The following CCDC148 variants were observed in gnomAD, a reference collection of about 807,000 sequenced individuals.
The protein encoded by CCDC148 is coiled-coil domain-containing protein 148.
CCDC148 carries 89 observed loss-of-function variants against 85.7 expected under a neutral mutation model. The ratio of observed to expected loss-of-function variants is 1.04; its 90% CI spans 0.87 to 1.24. CCDC148 has a LOEUF of 1.24. Among genes scored for constraint, CCDC148 ranks in the 50% most tolerant of loss-of-function variants. The pLI is 0.00. For missense variants in CCDC148, 692 were observed against 671.7 expected (o/e 1.03, Z -0.33); for synonymous variants, 230 against 213.9 (o/e 1.08, Z -0.66).
rs763601196 is a variant in CCDC148 at position 158,172,062 on chromosome 2, A to G, written c.*51T>C. ...AAGTAGTAATTATTATTATCCATAT[A>G]CATGTTTTCAAAGAAAAATGCTCTT... On this transcript the variant is annotated 3_prime_UTR_variant, in exon 14 of 14. Coordinates refer to ENST00000283233, the MANE Select transcript of CCDC148 (RefSeq NM_138803.4). 10 of 1,278,772 alleles carry G rather than the reference A, an allele frequency of 7.8e-6. No homozygotes were observed. The highest frequency in any genetic ancestry group is 4.6e-4 in the Middle Eastern group (2 of 4,388). The allele number at this position is 1,278,772 out of a possible 1,614,324, so 79.2% of individuals were successfully genotyped here. A position where few individuals can be genotyped will look rare whatever the true frequency, so the allele number is the denominator to read the frequency against.
chr2:158,212,181 T>A (rs1686616288), intron 11 of CCDC148, among the ~76,000 whole-genome samples: 1 of 152,248 alleles, frequency 6.6e-6, no homozygotes, highest in African/African-American at 2.4e-5. Context: ...ATCTTTGGAC[T>A]ATATCATTTG....
intron 1 of CCDC148, among the ~76,000 whole-genome samples, chr2:158,410,019 C>G (rs185911536): frequency 4.1e-4 from 63 of 152,280 alleles, no homozygotes; most frequent in Non-Finnish European, 8.1e-4. Flanking sequence ...TGTGAGGCAT[C>G]CCCAGCCATG....
chr2:158,443,515 A>AAAAAAAAAGAAAAC (rs1553524479), intron 1 of CCDC148, among the ~76,000 whole-genome samples: 17 of 100,900 alleles, frequency 1.7e-4, no homozygotes, highest in Admixed American at 3.7e-4. Context: ...AAAAAAAAAA[A>AAAAAAAAAGAAAAC]AAAAAAAAGA....
At chr2:158,403,112 G>T (rs1685854520) in intron 1 of CCDC148, among the ~76,000 whole-genome samples, 1 of 152,042 alleles carries the variant, frequency 6.6e-6, no homozygotes, top group Admixed American at 6.6e-5. Flanking sequence ...CCCTTGTTAG[G>T]CTGCCAAGCT....
At chr2:158,380,051 T>G (rs1426659140) in intron 1 of CCDC148, among the ~76,000 whole-genome samples, 8 of 152,152 alleles carry the variant, frequency 5.3e-5, no homozygotes, top group Non-Finnish European at 1.2e-4. Flanking sequence ...GCCTCTTGAG[T>G]AGCTGACTAT....
At chr2:158,330,563 G>T (rs956799205) in intron 7 of CCDC148, among the ~76,000 whole-genome samples, 3 of 152,130 alleles carry the variant, frequency 2.0e-5, no homozygotes, top group Non-Finnish European at 4.4e-5. Flanking sequence ...CTATTGATTG[G>T]AATAGGTTCA....
intron 10 of CCDC148, among the ~76,000 whole-genome samples, chr2:158,234,124 C>T (rs1277258961): frequency 3.3e-5 from 5 of 151,538 alleles, no homozygotes; most frequent in Middle Eastern, 3.2e-3. Flanking sequence ...TGTAGCGGGC[C>T]GAGATTATGC....
intron 1 of CCDC148, among the ~76,000 whole-genome samples, chr2:158,451,192 C>T (rs1272798390): frequency 6.7e-6 from 1 of 148,302 alleles, no homozygotes; most frequent in Non-Finnish European, 1.5e-5. Context: ...TGAGTCATTT[C>T]ATCTTTAAGT....
chr2:158,355,292 C>T (rs1309612613), intron 2 of CCDC148, among the ~76,000 whole-genome samples: 3 of 152,016 alleles, frequency 2.0e-5, no homozygotes, highest in East Asian at 3.9e-4. Flanking sequence ...TCAAATTGTC[C>T]CTGTTTGCAG....
At chr2:158,420,865 G>A (rs571972963) in intron 1 of CCDC148, among the ~76,000 whole-genome samples, 10 of 151,906 alleles carry the variant, frequency 6.6e-5, no homozygotes, top group South Asian at 2.1e-4. Flanking sequence ...GACAAACATA[G>A]GCTCAAAATA....
At chr2:158,173,796 A>G (rs1321435713) in intron 13 of CCDC148, among the ~76,000 whole-genome samples, 2 of 152,058 alleles carry the variant, frequency 1.3e-5, no homozygotes, top group Non-Finnish European at 2.9e-5. Context: ...TGCTCCAGTG[A>G]TTCATGTGCA....
chr2:158,453,230 C>G (rs1688474542), intron 1 of CCDC148, among the ~76,000 whole-genome samples: 1 of 152,194 alleles, frequency 6.6e-6, no homozygotes, highest in African/African-American at 2.4e-5. Context: ...ATAACCACAC[C>G]ATTTGATATA....
At chr2:158,202,215 A>C (rs1686003721) in intron 11 of CCDC148, among the ~76,000 whole-genome samples, 1 of 152,196 alleles carries the variant, frequency 6.6e-6, no homozygotes, top group African/African-American at 2.4e-5. Flanking sequence ...ACATACGCAC[A>C]ATCACTTTCC....
At chr2:158,228,593 T>C (rs1687680615) in intron 10 of CCDC148, among the ~76,000 whole-genome samples, 2 of 152,104 alleles carry the variant, frequency 1.3e-5, no homozygotes, top group Non-Finnish European at 2.9e-5. Flanking sequence ...ATTAAGATAA[T>C]GTGGCACATA....
In CCDC148 at chr2:158,250,724, G is replaced by T. The variant is rs758641111; in HGVS notation, c.1251+48C>A. 9 of 1,487,316 alleles carry T rather than the reference G, an allele frequency of 6.1e-6. No individual in the cohort carries two copies. In the East Asian group the frequency reaches 2.0e-4, roughly 33 times the overall value. The allele number at this position is 1,487,316 out of a possible 1,614,324, so 92.1% of individuals were successfully genotyped here. A position where few individuals can be genotyped will look rare whatever the true frequency, so the allele number is the denominator to read the frequency against. On this transcript the variant is annotated intron_variant, in intron 10 of 13. Transcript: ENST00000283233. The stretch of plus-strand genomic sequence containing the variant: ...CACCAAGACCAAAAAGCTCAATCAG[G>T]CCATTAAGCATTCATTCACACATTC...
intron 1 of CCDC148, among the ~76,000 whole-genome samples, chr2:158,396,339 A>G (rs776983811): frequency 6.6e-6 from 1 of 152,070 alleles, no homozygotes; most frequent in African/African-American, 2.4e-5. Context: ...TAGATAGGAC[A>G]TATGTTCTCC....
intron 2 of CCDC148, among the ~76,000 whole-genome samples, chr2:158,354,902 T>C (rs1340787018): frequency 6.6e-6 from 1 of 151,824 alleles, no homozygotes; most frequent in African/African-American, 2.4e-5. Flanking sequence ...GCATCATCCC[T>C]GGGATGCAAG....
chr2:158,281,018 T>G (rs1194764997), intron 9 of CCDC148, among the ~76,000 whole-genome samples: 1 of 152,222 alleles, frequency 6.6e-6, no homozygotes, highest in East Asian at 1.9e-4. Context: ...AACCTGCTCC[T>G]GATTGATTAC....
chr2:158,280,301 T>C (rs1246006118), intron 9 of CCDC148, among the ~76,000 whole-genome samples: 2 of 152,180 alleles, frequency 1.3e-5, no homozygotes, highest in African/African-American at 2.4e-5. Context: ...GTAAATGGAC[T>C]AAATGCTCCA....
Sources: allele counts gnomAD v4.1 joint callset (sites outside exome capture counted in the v4.1 genomes callset), GRCh38; gene constraint gnomAD v4.1.1; transcripts MANE v1.5; gene names NCBI Gene and HGNC (gene_info 2026-07-23, HGNC 2026-07-21).